Variants in FCER2 observed in about 807,000 individuals in gnomAD.
The protein encoded by FCER2 is Fc epsilon receptor II.
In FCER2, 38 loss-of-function variants were observed where a neutral mutation model predicts 49.7. The ratio of observed to expected loss-of-function variants is 0.76; its 90% CI spans 0.59 to 1.00. The LOEUF (loss-of-function observed/expected upper bound fraction) is 1.00. Among genes scored for constraint, FCER2 ranks in the 50% least tolerant of loss-of-function variants. The probability of loss-of-function intolerance (pLI) is 0.00; values close to 1 mark genes in which losing one functional copy is unlikely to be tolerated. For missense variants in FCER2, 425 were observed against 419.5 expected (o/e 1.01, Z -0.11); for synonymous variants, 163 against 164.6 (o/e 0.99, Z 0.07).
In FCER2 at chr19:7,689,298, T is replaced by C. The variant is rs751132524; in HGVS notation, c.861A>G (p.Thr287=). ...LGAWVCDRLA[T]CTPPASEGSA... ...AACCTTCGCTGGCTGGCGGCGTGCA[T>C]GTGGCCAGCCGGTCGCACACCCAGG... Residue 287 remains threonine (T), a synonymous_variant, in exon 11 of 11, where the codon ACA becomes ACG. Transcript: ENST00000597921. The C allele has an allele frequency of 6.2e-7, 1 of 1,613,244 alleles. No individual in the cohort carries two copies. The highest frequency in any genetic ancestry group is 8.5e-7 in the Non-Finnish European group (1 of 1,179,778).
In FCER2 at chr19:7,696,694, G is replaced by T. The variant is rs921209449; in HGVS notation, c.469+131C>A. The T allele has an allele frequency of 1.6e-5, 11 of 677,306 alleles. No individual in the cohort carries two copies. In the African/African-American group the frequency reaches 2.0e-4, roughly 12 times the overall value. 42.0% of individuals were successfully genotyped at this position (677,306 alleles called of 1,614,324 possible). On this transcript the variant is annotated intron_variant, in intron 8 of 10. Transcript: ENST00000597921. ...TGCGCTTATATCTTTGTGTCCTCCC[G>T]ATGACACTCGGGTCACACAAACGTA...
chr19:7,699,725 G>C lies in FCER2; in HGVS notation c.22+14C>G. ...ATTGCTTCTGCCAACGTTAGAACCAGAGAGTCCTCCTACCTGAATATTGAC... is the reference window on the plus strand; with the variant it reads ...ATTGCTTCTGCCAACGTTAGAACCACAGAGTCCTCCTACCTGAATATTGAC... On this transcript the variant is annotated intron_variant, in intron 2 of 10. Transcript: ENST00000597921. The C allele has an allele frequency of 2.5e-6, 4 of 1,613,276 alleles. No homozygotes were observed. The highest frequency in any genetic ancestry group is 3.4e-6 in the Non-Finnish European group (4 of 1,179,278).
rs1381910101 is a variant in FCER2 at position 7,698,715 on chromosome 19, C to T, written c.136+26G>A. 2.5e-6 allele frequency: 4 copies of T among 1,607,584 alleles called. No individual in the cohort carries two copies. The Admixed American group carries it at 6.7e-5, about 27-fold the overall frequency. ...AGAAGGGCCCCATGAGTTGGGGGGA[C>T]CACATGGAGCTGGGGGTGTCCTCAC... is the stretch of plus-strand genomic sequence containing the variant. On this transcript the variant is annotated intron_variant, in intron 3 of 10. Coordinates refer to ENST00000597921, the MANE Select transcript of FCER2 (RefSeq NM_001220500.2).
intron 7 of FCER2, 40 bp downstream of exon 7, chr19:7,696,973 C>T (rs1341573149): frequency 7.7e-6 from 12 of 1,560,078 alleles, no homozygotes; most frequent in South Asian, 2.4e-5. Flanking sequence ...CCTCCTTGTC[C>T]GTTCCCTCCC....
chr19:7,695,844 G>A (rs1294683052), intron 8 of FCER2, among the ~76,000 whole-genome samples: 1 of 151,940 alleles, frequency 6.6e-6, no homozygotes, highest in Non-Finnish European at 1.5e-5. Flanking sequence ...TTGAGCCCAG[G>A]AGTTGGAGGC....
rs186188865 is a variant in FCER2, at chr19:7,697,404, C to T, written c.254-106G>A. ...TTGCCTGGGTTCTTGGAACCACCTG[C>T]TCAGTTTGCAGTTCCCGGGTGTCGG... On this transcript the variant is annotated intron_variant, in intron 5 of 10. Coordinates refer to ENST00000597921, the MANE Select transcript of FCER2 (RefSeq NM_001220500.2). The T allele has an allele frequency of 2.7e-6, 4 of 1,484,524 alleles. No homozygotes were observed. In the Admixed American group the frequency reaches 6.8e-5, roughly 25 times the overall value. 92.0% of individuals were successfully genotyped at this position (1,484,524 alleles called of 1,614,324 possible). A position where few individuals can be genotyped will look rare whatever the true frequency, so the allele number is the denominator to read the frequency against.
In FCER2 at chr19:7,697,576, G is replaced by A. The variant is rs200021981; in HGVS notation, c.204C>T (p.Ser68=). 6.2e-7 allele frequency: 1 copy of A among 1,613,920 alleles called. No homozygotes were observed. The highest frequency in any genetic ancestry group is 1.7e-5 in the Admixed American group (1 of 59,972). The change falls in exon 5 of 11, where the codon TCC becomes TCT. Residue 68 remains serine (S), a synonymous_variant. Transcript: ENST00000597921. ...ERAARNVSQV[S]KNLESHHGDQ... is the part of the protein sequence containing the mutation. ...CACCGTGGTGGCTTTCCAAGTTCTT[G>A]GAAACTTGAGAGACTGGAGCGGCGG...
intron 7 of FCER2, 39 bp downstream of exon 7, chr19:7,696,974 G>T (rs753809296): frequency 6.4e-7 from 1 of 1,559,624 alleles, no homozygotes; most frequent in African/African-American, 1.4e-5. Context: ...CTCCTTGTCC[G>T]TTCCCTCCCC....
At chr19:7,695,646 A>G (rs1287964609) in intron 8 of FCER2, among the ~76,000 whole-genome samples, 1 of 152,092 alleles carries the variant, frequency 6.6e-6, no homozygotes, top group Non-Finnish European at 1.5e-5. Context: ...GCCAGGTGCA[A>G]TGACTTATGC....
intron 8 of FCER2, among the ~76,000 whole-genome samples, chr19:7,692,767 C>A (rs1206398331): frequency 6.6e-6 from 1 of 152,116 alleles, no homozygotes; most frequent in Non-Finnish European, 1.5e-5. Context: ...GCTTCAACTG[C>A]TGACACCATT....
intron 8 of FCER2, among the ~76,000 whole-genome samples, chr19:7,695,546 C>T (rs142370808): frequency 3.9e-5 from 6 of 152,078 alleles, no homozygotes; most frequent in South Asian, 4.1e-4. Context: ...GAGGCCGAGG[C>T]GAGAGGATTG....
intron 8 of FCER2, among the ~76,000 whole-genome samples, chr19:7,694,593 T>C (rs1273612137): frequency 6.6e-6 from 1 of 152,110 alleles, no homozygotes; most frequent in Non-Finnish European, 1.5e-5. Flanking sequence ...GTTGTCATGG[T>C]CCAGAGTGCT....
intron 2 of FCER2, chr19:7,699,475 CCGTT>C: frequency 2.2e-6 from 3 of 1,364,064 alleles, no homozygotes; most frequent in Non-Finnish European, 2.8e-6. Context: ...CTAGCTGAAG[CCGTT>C]TTTTTTTTTT....
At position 7,689,349 on chromosome 19, in the gene FCER2, G is replaced by A. The variant is rs1367484507; in HGVS notation, c.810C>T (p.Asp270=). The A allele has an allele frequency of 5.0e-6, 8 of 1,611,610 alleles. No homozygotes were observed. The highest frequency in any genetic ancestry group is 2.2e-5 in the East Asian group (1 of 44,812). ...VMMRGSGRWN[D]AFCDRKLGAW... Reference sequence around the variant, plus strand: ...CGCCCAGCTTACGGTCGCAGAAGGCGTCGTTCCAGCGACCGGAGCCCCGCA... The same window carrying A: ...CGCCCAGCTTACGGTCGCAGAAGGCATCGTTCCAGCGACCGGAGCCCCGCA... Residue 270 remains aspartate (D), a synonymous_variant, in exon 11 of 11, where the codon GAC becomes GAT. Transcript: ENST00000597921.
chr19:7,698,159 C>T (rs7249320), intron 4 of FCER2, among the ~76,000 whole-genome samples, 197 bp downstream of exon 4: 12 of 152,116 alleles, frequency 7.9e-5, no homozygotes, highest in South Asian at 4.1e-4. Flanking sequence ...CCATTGCAAG[C>T]GGAAGAGCAT....
At chr19:7,701,231 G>A (rs1175599423) in intron 1 of FCER2, among the ~76,000 whole-genome samples, 2 of 152,124 alleles carry the variant, frequency 1.3e-5, no homozygotes, top group East Asian at 3.8e-4. Context: ...CCCTTCTCTC[G>A]GAGCCTCAGG....
At chr19:7,699,422 TC>T in intron 2 of FCER2, 1 of 1,430,140 alleles carries the variant, frequency 7.0e-7, no homozygotes, top group Admixed American at 2.1e-5. Flanking sequence ...TGTTCCAAGT[TC>T]CTGTTCTATT....
chr19:7,690,942 A>G (rs2032850392), intron 8 of FCER2, among the ~76,000 whole-genome samples: 1 of 151,956 alleles, frequency 6.6e-6, no homozygotes, highest in Non-Finnish European at 1.5e-5. Flanking sequence ...ACTCATGTCC[A>G]ACAACACTTC....
intron 8 of FCER2, 126 bp from the exon 9 acceptor site, chr19:7,690,683 G>A (rs1164064907): frequency 1.1e-6 from 1 of 901,972 alleles, no homozygotes; most frequent in African/African-American, 1.7e-5. Context: ...ACCCACCCCA[G>A]GGCCTAACAG....
Sources: allele counts gnomAD v4.1 joint callset (sites outside exome capture counted in the v4.1 genomes callset), GRCh38; gene constraint gnomAD v4.1.1; transcripts MANE v1.5; gene names NCBI Gene and HGNC (gene_info 2026-07-23, HGNC 2026-07-21).